CBR4: variants seen among roughly 807,000 people sequenced by gnomAD.
CBR4 encodes the protein carbonyl reductase 4.
A neutral mutation model predicts 21.0 loss-of-function variants in CBR4; 22 were observed. The ratio of observed to expected loss-of-function variants is 1.05; its 90% CI spans 0.75 to 1.50. The LOEUF is 1.50. Ranked by LOEUF, CBR4 falls within the 40% of genes most tolerant of loss-of-function variation. The pLI, the probability that CBR4 is intolerant of heterozygous loss-of-function variation, is 0.00. For synonymous variants in CBR4, 100 were observed against 104.4 expected, an observed-to-expected ratio of 0.96 and a Z score of 0.26; for missense variants, 302 against 286.3, an observed-to-expected ratio of 1.05 and a Z score of -0.40.
At chr4:168,906,683 G>A (rs758355631) in intron 2 of CBR4, among the ~76,000 whole-genome samples, 1 of 152,106 alleles carries the variant, frequency 6.6e-6, no homozygotes, top group Non-Finnish European at 1.5e-5. Flanking sequence ...GGAGTACAGT[G>A]GCATAATCAT....
At chr4:168,958,827 C>G (rs1763762110) in intron 2 of CBR4, among the ~76,000 whole-genome samples, 1 of 152,168 alleles carries the variant, frequency 6.6e-6, no homozygotes, top group African/African-American at 2.4e-5. Context: ...CACATATCTA[C>G]AATTACTCAG....
intron 2 of CBR4, among the ~76,000 whole-genome samples, chr4:168,974,287 C>A (rs1255746905): frequency 6.6e-6 from 1 of 152,192 alleles, no homozygotes; most frequent in African/African-American, 2.4e-5. Flanking sequence ...GCTGGAAATC[C>A]GATAGGTTTT....
At chr4:168,915,727 TAAACA>T (rs1759952289) in intron 2 of CBR4, among the ~76,000 whole-genome samples, 1 of 152,222 alleles carries the variant, frequency 6.6e-6, no homozygotes, top group South Asian at 2.1e-4. Flanking sequence ...ACTTCCAAAC[TAAACA>T]AGAGTTTGCT....
intron 2 of CBR4, among the ~76,000 whole-genome samples, chr4:168,938,340 A>G (rs987268084): frequency 6.6e-6 from 1 of 152,228 alleles, no homozygotes; most frequent in Non-Finnish European, 1.5e-5. Flanking sequence ...TTATAGCACT[A>G]AATGCCCACA....
intron 2 of CBR4, among the ~76,000 whole-genome samples, chr4:168,961,254 T>C (rs990404389): frequency 6.6e-6 from 1 of 152,220 alleles, no homozygotes; most frequent in African/African-American, 2.4e-5. Flanking sequence ...CAAGTTTTCA[T>C]CCCTATGCCA....
At chr4:168,951,979 A>C (rs1057454358) in intron 2 of CBR4, among the ~76,000 whole-genome samples, 1 of 152,164 alleles carries the variant, frequency 6.6e-6, no homozygotes, top group Non-Finnish European at 1.5e-5. Context: ...AGGCTGGGGA[A>C]GTTTTCCTCA....
chr4:168,944,039 C>T (rs1049080062), intron 2 of CBR4, among the ~76,000 whole-genome samples: 2 of 152,122 alleles, frequency 1.3e-5, no homozygotes, highest in Non-Finnish European at 2.9e-5. Context: ...CTAATAAATG[C>T]TTTTTAGTAC....
intron 2 of CBR4, among the ~76,000 whole-genome samples, chr4:168,937,827 C>A (rs1286608868): frequency 6.6e-6 from 1 of 152,098 alleles, no homozygotes; most frequent in African/African-American, 2.4e-5. Flanking sequence ...TTCTTAGAGA[C>A]CTACAAAGAG....
At chr4:168,942,054 TA>T (rs1763279136) in intron 2 of CBR4, among the ~76,000 whole-genome samples, 1 of 151,976 alleles carries the variant, frequency 6.6e-6, no homozygotes, top group African/African-American at 2.4e-5. Context: ...TATGCAGCCA[TA>T]AAAAAGAATG....
At position 168,975,296 on chromosome 4, in the gene CBR4, C is replaced by T. The variant is rs191553775; in HGVS notation, n.169+26775G>A. Among the ~76,000 whole-genome samples the T allele has an allele frequency of 4.8e-3, 731 of 152,316 alleles. 7 individuals carry two copies. The highest frequency in any genetic ancestry group is 6.9e-3 in the Non-Finnish European group (469 of 68,024). Reference sequence around the variant, plus strand: ...CCAGCCATGGATACCAGCACCTGCTCCATTGGAGGTGGCAGGGGAGTAAAG... The same window carrying T: ...CCAGCCATGGATACCAGCACCTGCTTCATTGGAGGTGGCAGGGGAGTAAAG... On this transcript the variant is annotated intron_variant and non_coding_transcript_variant, in intron 2 of 3. Transcript: ENST00000509108.
Position 168,968,844 on chromosome 4 carries a change from TTG to T in CBR4, n.169+33225_169+33226del, listed in dbSNP as rs1764118823. 2.0e-5 allele frequency among the ~76,000 whole-genome samples: 3 copies of T among 152,220 alleles called. No individual in the cohort carries two copies. The South Asian group carries it at 6.2e-4, about 31-fold the overall frequency. On this transcript the variant is annotated intron_variant and non_coding_transcript_variant, in intron 2 of 3. Transcript: ENST00000509108. Reference sequence around the variant, plus strand: ...AAAGAGAAGGGTCAGTGGTTTCTATTTGTCTTTTCCTACCATGATAATTCTCT... The same window carrying T: ...AAAGAGAAGGGTCAGTGGTTTCTATTTCTTTTCCTACCATGATAATTCTCT...
At chr4:168,934,689 C>T (rs757684896) in intron 2 of CBR4, among the ~76,000 whole-genome samples, 1 of 151,948 alleles carries the variant, frequency 6.6e-6, no homozygotes, top group Non-Finnish European at 1.5e-5. Flanking sequence ...TAATAAAAAG[C>T]CTCCCAACAA....
chr4:169,004,641 G>A (rs973781795), intron 3 of CBR4, among the ~76,000 whole-genome samples: 1 of 152,174 alleles, frequency 6.6e-6, no homozygotes, highest in Non-Finnish European at 1.5e-5. Flanking sequence ...TGAGATTGCA[G>A]CAATTCAATT....
At chr4:168,938,314 G>A (rs1763169275) in intron 2 of CBR4, among the ~76,000 whole-genome samples, 1 of 152,184 alleles carries the variant, frequency 6.6e-6, no homozygotes, top group Non-Finnish European at 1.5e-5. Flanking sequence ...AGCTAAAGCA[G>A]TATTTAGAGG....
At chr4:168,987,553 T>C (rs113423130), downstream of CBR4, 5 of 701,410 alleles carry the variant, frequency 7.1e-6, no homozygotes, top group African/African-American at 3.9e-5. Flanking sequence ...ACTCTACTCT[T>C]ATAGTTGCAG....
rs958883734 is a variant in CBR4, at chr4:168,961,427, A to G, written n.169+40644T>C. On this transcript the variant is annotated intron_variant and non_coding_transcript_variant, in intron 2 of 3. Transcript: ENST00000509108. ...AGACAGTTTAGAGATGCTTTATCCAAAAGAATCTAAAACATTCACGGACAG... is the reference window on the plus strand; with the variant it reads ...AGACAGTTTAGAGATGCTTTATCCAGAAGAATCTAAAACATTCACGGACAG... Among the ~76,000 whole-genome samples, 8 of 152,330 alleles carry G rather than the reference A, an allele frequency of 5.3e-5. 1 individual carries two copies. The highest frequency in any genetic ancestry group is 5.2e-4 in the Admixed American group (8 of 15,296).
intron 4 of CBR4, among the ~76,000 whole-genome samples, chr4:168,996,570 C>T (rs915403198): frequency 1.3e-5 from 2 of 151,786 alleles, no homozygotes; most frequent in Non-Finnish European, 2.9e-5. Flanking sequence ...TTATTAATAC[C>T]ATTTTGTCTT....
rs566450577 is a variant in CBR4, at chr4:168,912,845, T to TA, written n.170-18081dup. Among the ~76,000 whole-genome samples, 72 of 152,308 alleles carry TA rather than the reference T, an allele frequency of 4.7e-4. 1 individual carries two copies. The South Asian group carries it at 0.015, about 31-fold the overall frequency. On this transcript the variant is annotated intron_variant and non_coding_transcript_variant, in intron 2 of 3. Coordinates refer to the CBR4 transcript ENST00000509108. ...TATGTAGCTGTAATTTTGTATCCAT[T>TA]AACCAACTTCTGGCTATCTCCCCGA... is the stretch of plus-strand genomic sequence containing the variant.
chr4:168,913,779 T>C lies in CBR4; in HGVS notation n.170-19014A>G, dbSNP rs1016449011. On this transcript the variant is annotated intron_variant and non_coding_transcript_variant, in intron 2 of 3. Transcript: ENST00000509108. ...GGCACTTAACTCACAGGGAAAGTGT[T>C]TTTCTGAAAAGGGTTAGTCATTACT... is the stretch of plus-strand genomic sequence containing the variant. The C allele has an allele frequency of 3.1e-5, 20 of 654,470 alleles. No individual in the cohort carries two copies. In the African/African-American group the frequency reaches 3.6e-4, roughly 12 times the overall value. The allele number at this position is 654,470 out of a possible 1,614,324, so 40.5% of individuals were successfully genotyped here. A position where few individuals can be genotyped will look rare whatever the true frequency, so the allele number is the denominator to read the frequency against.
Sources: allele counts gnomAD v4.1 joint callset (sites outside exome capture counted in the v4.1 genomes callset), GRCh38; gene constraint gnomAD v4.1.1; transcripts MANE v1.5; gene names NCBI Gene and HGNC (gene_info 2026-07-23, HGNC 2026-07-21).